The following STK10 variants were observed in gnomAD, a reference collection of about 807,000 sequenced individuals.
STK10 encodes serine/threonine kinase 10.
STK10 carries 78 observed loss-of-function variants against 113.8 expected under a neutral mutation model. That is an observed-to-expected ratio of 0.69 (90% CI 0.57 to 0.83). STK10 has a LOEUF of 0.83. STK10 is among the 40% of genes least tolerant of loss of function. STK10 has a pLI of 0.00. For missense variants in STK10, 1,109 were observed against 1,280.1 expected (o/e 0.87, Z 2.04); for synonymous variants, 465 against 494.7 (o/e 0.94, Z 0.80).
Position 172,187,565 on chromosome 5 carries a change from G to A in STK10, c.156+322C>T, listed in dbSNP as rs1054894188. On this transcript the variant is annotated intron_variant, in intron 1 of 18. Coordinates refer to ENST00000176763, the MANE Select transcript of STK10 (RefSeq NM_005990.4). The surrounding 1 kb of genome is among the most constrained non-coding windows in gnomAD (Gnocchi z 4.6). ...GGAAGGTCCCTCGAGTGGCCCTCTCGGATGCTGAGGTCCTGTCAACGCCCC... is the reference window on the plus strand; with the variant it reads ...GGAAGGTCCCTCGAGTGGCCCTCTCAGATGCTGAGGTCCTGTCAACGCCCC... Among the ~76,000 whole-genome samples the A allele has an allele frequency of 6.6e-6, 1 of 152,180 alleles. No individual in the cohort carries two copies. Among genetic ancestry groups the A allele is most frequent in the African/African-American group, 2.4e-5 (1 of 41,438 alleles).
intron 10 of STK10, among the ~76,000 whole-genome samples, chr5:172,087,607 ATTTATTTACTTATTTATTTTTTT>A (rs1768597564): frequency 7.7e-6 from 1 of 129,358 alleles, no homozygotes; most frequent in Non-Finnish European, 1.5e-5. Flanking sequence ...TATTTTTTAA[ATTTATTTACTTATTTATTTTTTT>A]TTTTTTTTTG....
At chr5:172,116,895 GAT>G (rs1278011015) in intron 4 of STK10, among the ~76,000 whole-genome samples, 1 of 151,918 alleles carries the variant, frequency 6.6e-6, no homozygotes, top group Admixed American at 6.6e-5. Flanking sequence ...AGAAGGTTTT[GAT>G]ATATGTGCTT....
intron 2 of STK10, among the ~76,000 whole-genome samples, chr5:172,134,116 C>T (rs1471302560): frequency 2.6e-5 from 4 of 152,210 alleles, no homozygotes; most frequent in African/African-American, 9.6e-5. Context: ...AGCAAGAGGC[C>T]TGGACCCTGG....
At chr5:172,057,154 T>C in intron 15 of STK10, 195 bp downstream of exon 15, 1 of 669,786 alleles carries the variant, frequency 1.5e-6, no homozygotes, top group Non-Finnish European at 2.5e-6. Flanking sequence ...GTTTCCCCTA[T>C]TCCTAGCCCC....
chr5:172,181,047 CAA>C (rs1770846604), intron 1 of STK10, among the ~76,000 whole-genome samples: 1 of 152,160 alleles, frequency 6.6e-6, no homozygotes, highest in Non-Finnish European at 1.5e-5. Context: ...AAGGAATGCA[CAA>C]AACACACAGG....
At chr5:172,178,116 C>G (rs1402312916) in intron 1 of STK10, among the ~76,000 whole-genome samples, 1 of 152,244 alleles carries the variant, frequency 6.6e-6, no homozygotes, top group African/African-American at 2.4e-5. Flanking sequence ...GTGTGAGCCA[C>G]CGCGCCCAGC....
At chr5:172,118,622 G>A (rs1769438237) in intron 3 of STK10, among the ~76,000 whole-genome samples, 1 of 151,696 alleles carries the variant, frequency 6.6e-6, no homozygotes, top group African/African-American at 2.4e-5. Context: ...GCTCATGCCT[G>A]TAATCCCAGC....
At position 172,129,338 on chromosome 5, in the gene STK10, C is replaced by T. The variant is rs560194607; in HGVS notation, c.322-1917G>A. On this transcript the variant is annotated intron_variant, in intron 2 of 18. Coordinates refer to ENST00000176763, the MANE Select transcript of STK10 (RefSeq NM_005990.4). ...CGGCAGAGAGCTGTGGAAGGCGGCA[C>T]GGCCCACTTCCACACCACTCCCTGC... is the stretch of plus-strand genomic sequence containing the variant. Among the ~76,000 whole-genome samples, 35 of 152,298 alleles carry T rather than the reference C, an allele frequency of 2.3e-4. No individual in the cohort carries two copies. The East Asian group carries it at 6.4e-3, about 28-fold the overall frequency.
At chr5:172,111,063 C>T (rs1337826740) in intron 4 of STK10, among the ~76,000 whole-genome samples, 1 of 152,144 alleles carries the variant, frequency 6.6e-6, no homozygotes, top group African/African-American at 2.4e-5. Flanking sequence ...GTGGGACCAA[C>T]AGGTGCTGCA....
intron 8 of STK10, among the ~76,000 whole-genome samples, chr5:172,095,985 C>A (rs1768840327): frequency 6.6e-6 from 1 of 152,150 alleles, no homozygotes; most frequent in Non-Finnish European, 1.5e-5. Flanking sequence ...TCCAAATGTG[C>A]CCAGACATGG....
intron 7 of STK10, among the ~76,000 whole-genome samples, chr5:172,100,868 C>T (rs1007874117): frequency 1.1e-4 from 16 of 152,184 alleles, no homozygotes; most frequent in South Asian, 2.1e-4. Flanking sequence ...TCCTCTCTCC[C>T]TTCTGGTCTT....
At chr5:172,087,107 AGTGTGTGTGTGTGTGTGT>A (rs201052929) in intron 10 of STK10, among the ~76,000 whole-genome samples, 169 of 128,950 alleles carry the variant, frequency 1.3e-3, no homozygotes, top group Middle Eastern at 8.1e-3. Flanking sequence ...AGATGACACC[AGTGTGTGTGTGTGTGTGT>A]GTGTGTGTGT....
chr5:172,161,791 G>A (rs1770476740), intron 1 of STK10, among the ~76,000 whole-genome samples: 1 of 152,086 alleles, frequency 6.6e-6, no homozygotes, highest in South Asian at 2.1e-4. Context: ...GAGTACCCTA[G>A]GAATGAGGCG....
chr5:172,079,446 C>A (rs754602231), intron 12 of STK10, among the ~76,000 whole-genome samples: 55 of 152,254 alleles, frequency 3.6e-4, no homozygotes, highest in Non-Finnish European at 5.9e-4. Context: ...GCTTCCCTAG[C>A]ATGTTGGCAA....
At position 172,057,337 on chromosome 5, in the gene STK10, C is replaced by T. The variant is rs368625537; in HGVS notation, c.2337+12G>A. 9.5e-6 allele frequency: 15 copies of T among 1,579,308 alleles called. No individual in the cohort carries two copies. Among genetic ancestry groups the T allele is most frequent in the East Asian group, 6.9e-5 (3 of 43,366 alleles). Reference sequence around the variant, plus strand: ...GCAGCAGATCCGAGCCCCGTGCCACCGGCAGCCTCACCTTCTCATGCTTGC... The same window carrying T: ...GCAGCAGATCCGAGCCCCGTGCCACTGGCAGCCTCACCTTCTCATGCTTGC... On this transcript the variant is annotated intron_variant, in intron 15 of 18. Coordinates refer to ENST00000176763, the MANE Select transcript of STK10 (RefSeq NM_005990.4).
chr5:172,093,518 C>T lies in STK10; in HGVS notation c.1448G>A (p.Arg483Lys). The T allele has an allele frequency of 6.2e-7, 1 of 1,614,242 alleles. No homozygotes were observed. The highest frequency in any genetic ancestry group is 8.5e-7 in the Non-Finnish European group (1 of 1,180,050). The change falls in exon 9 of 19, where the codon AGG (arginine) becomes AAG (lysine). Residue 483 changes from arginine (R) to lysine (K), a missense_variant. This residue lies in a region of STK10 where 885 missense variants were observed against 991.1 expected (regional missense o/e 0.89). Coordinates refer to ENST00000176763, the MANE Select transcript of STK10 (RefSeq NM_005990.4). This position sits in a 1 kb window ranked among gnomAD's most constrained non-coding sequence, Gnocchi z 4.1. ...GCAGAGGCTGCTGCAGTCCGAGTCC[C>T]TCTTGGAAGGCCCTGGAGCTGCCTG... Reference protein sequence around the residue: ...PAQAAPGPSKRDSDCSSLCTS... With the variant: ...PAQAAPGPSKKDSDCSSLCTS...
chr5:172,045,360 T>C (rs1767474319), intron 18 of STK10: 3 of 504,120 alleles, frequency 6.0e-6, no homozygotes, highest in South Asian at 1.6e-5. Flanking sequence ...AGGGAGAAGA[T>C]GGAGAGAGAC....
At chr5:172,103,647 C>T (rs79577655) in intron 7 of STK10, among the ~76,000 whole-genome samples, 7,990 of 152,176 alleles carry the variant, frequency 0.053, 302 homozygotes, top group East Asian at 0.12. Flanking sequence ...CCTTTGGGCA[C>T]TCCAGAAATT....
chr5:172,142,588 A>C (rs533866374), intron 2 of STK10, among the ~76,000 whole-genome samples: 59 of 151,386 alleles, frequency 3.9e-4, no homozygotes, highest in African/African-American at 1.3e-3. Context: ...ATTATCTCAC[A>C]CTCACTATTT....
Sources: gnomAD v4.1 joint callset for allele counts (sites outside exome capture counted in the v4.1 genomes callset) on GRCh38, gnomAD v4.1.1 for gene constraint, gnomAD v4.1.1 regional missense constraint, Gnocchi (gnomAD v3.1) non-coding constraint, MANE v1.5 for transcripts, NCBI Gene and HGNC (gene_info 2026-07-23, HGNC 2026-07-21) for gene names.